Variants in MPP7 observed in about 807,000 individuals in gnomAD.
The protein encoded by MPP7 is MAGUK p55 subfamily member 7.
Under a neutral mutation model 76.5 loss-of-function variants are expected in MPP7, and 60 were observed. The observed-to-expected ratio is 0.78, with a 90% confidence interval of 0.64 to 0.97. MPP7 has a LOEUF of 0.97. MPP7 is among the 50% of genes least tolerant of loss of function. The pLI is 0.00. For synonymous variants in MPP7, 237 were observed against 244.5 expected, an observed-to-expected ratio of 0.97 and a Z score of 0.29; for missense variants, 641 against 694.0, an observed-to-expected ratio of 0.92 and a Z score of 0.86.
intron 1 of MPP7, chr10:28,330,036 C>G (rs74367935): frequency 6.6e-6 from 1 of 152,150 alleles, no homozygotes. Flanking sequence ...TGAGACAATT[C>G]GGTGAGGTGC....
chr10:28,069,532 A>C (rs556620756), intron 13 of MPP7, among the ~76,000 whole-genome samples: 1 of 151,596 alleles, frequency 6.6e-6, no homozygotes, highest in Non-Finnish European at 1.5e-5. Context: ...TGAACCCAAG[A>C]GGCAGAGGTT....
chr10:28,282,655 T>C (rs1840705864), intron 1 of MPP7, among the ~76,000 whole-genome samples: 2 of 151,958 alleles, frequency 1.3e-5, no homozygotes, highest in South Asian at 4.2e-4. Flanking sequence ...GACAGGAGCG[T>C]AAAGAAAAAC....
At chr10:28,230,900 T>C (rs1361439542) in intron 2 of MPP7, among the ~76,000 whole-genome samples, 1 of 152,102 alleles carries the variant, frequency 6.6e-6, no homozygotes, top group Non-Finnish European at 1.5e-5. Flanking sequence ...TTAAAAATAC[T>C]TCTCTTGGTA....
At chr10:28,245,324 T>C (rs995365601) in intron 1 of MPP7, among the ~76,000 whole-genome samples, 1 of 152,180 alleles carries the variant, frequency 6.6e-6, no homozygotes, top group Admixed American at 6.5e-5. Flanking sequence ...TACATCAATA[T>C]AATTCTACAT....
At chr10:28,164,721 G>T (rs918897226) in intron 3 of MPP7, among the ~76,000 whole-genome samples, 2 of 151,824 alleles carry the variant, frequency 1.3e-5, no homozygotes, top group African/African-American at 4.8e-5. Flanking sequence ...TTTTATGTGG[G>T]GCCCAAGATA....
intron 1 of MPP7, among the ~76,000 whole-genome samples, chr10:28,270,629 C>T (rs1231795023): frequency 3.7e-4 from 56 of 151,644 alleles, no homozygotes; most frequent in East Asian, 1.9e-4. Flanking sequence ...CTATCTGCAG[C>T]GCCTGTTCAA....
At chr10:28,069,344 C>T (rs1852117369) in intron 13 of MPP7, among the ~76,000 whole-genome samples, 1 of 152,158 alleles carries the variant, frequency 6.6e-6, no homozygotes, top group Non-Finnish European at 1.5e-5. Context: ...ATGGTTCACG[C>T]CTGTAATCCC....
intron 1 of MPP7, among the ~76,000 whole-genome samples, chr10:28,273,390 C>A (rs1840389689): frequency 6.6e-6 from 1 of 152,166 alleles, no homozygotes. Flanking sequence ...AGAACACAGC[C>A]TACAAAAGAT....
At chr10:28,263,207 G>A (rs1589000925) in intron 1 of MPP7, among the ~76,000 whole-genome samples, 1 of 152,190 alleles carries the variant, frequency 6.6e-6, no homozygotes, top group Non-Finnish European at 1.5e-5. Flanking sequence ...TGGTGGTAGT[G>A]TATTCAAATT....
chr10:28,079,973 T>C (rs1412430773), intron 12 of MPP7, among the ~76,000 whole-genome samples: 2 of 150,292 alleles, frequency 1.3e-5, no homozygotes, highest in East Asian at 4.0e-4. Context: ...AATTTAAAAA[T>C]TAGCCAGGTG....
At position 28,056,643 on chromosome 10, in the gene MPP7, G is replaced by C. The variant is rs1851570224; in HGVS notation, c.1408-20C>G. ...CACTGTCTACAAGGAAGAAAAGAAA[G>C]TTTTCTCACATTTCTCCATAGCATC... On this transcript the variant is annotated intron_variant, in intron 15 of 16. Transcript: ENST00000683449. The C allele has an allele frequency of 6.5e-7, 1 of 1,526,718 alleles. No homozygotes were observed. 94.6% of individuals were successfully genotyped at this position (1,526,718 alleles called of 1,614,324 possible).
intron 3 of MPP7, among the ~76,000 whole-genome samples, chr10:28,195,486 C>T (rs1387111242): frequency 6.6e-6 from 1 of 152,130 alleles, no homozygotes; most frequent in Non-Finnish European, 1.5e-5. Context: ...CAGAAACAAC[C>T]CAAATGTCCA....
upstream of MPP7, among the ~76,000 whole-genome samples, chr10:28,304,471 TAGAA>T (rs952252387): frequency 3.9e-5 from 6 of 152,180 alleles, 1 homozygote; most frequent in African/African-American, 1.2e-4. Flanking sequence ...AAACACCTGA[TAGAA>T]AGAAGACAAG....
chr10:28,223,437 T>C (rs560391151), intron 2 of MPP7, among the ~76,000 whole-genome samples: 5 of 152,340 alleles, frequency 3.3e-5, no homozygotes, highest in Non-Finnish European at 5.9e-5. Flanking sequence ...TGTTCACCTA[T>C]GCTCAAATTT....
At chr10:28,086,898 C>T (rs1853037967) in intron 12 of MPP7, among the ~76,000 whole-genome samples, 1 of 152,288 alleles carries the variant, frequency 6.6e-6, no homozygotes, top group South Asian at 2.1e-4. Context: ...GCAAACAAAA[C>T]CAGGCAGAGT....
At chr10:28,298,736 A>G (rs1395187722) in intron 1 of MPP7, among the ~76,000 whole-genome samples, 1 of 152,154 alleles carries the variant, frequency 6.6e-6, no homozygotes, top group Admixed American at 6.5e-5. Context: ...ATCTTCTTCC[A>G]ATATAAGGCT....
chr10:28,252,484 T>C (rs1373231874), intron 1 of MPP7, among the ~76,000 whole-genome samples: 1 of 152,182 alleles, frequency 6.6e-6, no homozygotes, highest in Non-Finnish European at 1.5e-5. Context: ...TAGCTTTCTG[T>C]GAAGCATTAA....
rs1188437581 is a variant in MPP7, at chr10:28,195,621, A to G, written c.156+6532T>C. 1.3e-5 allele frequency among the ~76,000 whole-genome samples: 2 copies of G among 152,244 alleles called. 1 individual carries two copies. Among genetic ancestry groups the G allele is most frequent in the Non-Finnish European group, 2.9e-5 (2 of 68,036 alleles). The stretch of plus-strand genomic sequence containing the variant: ...CCTTGAAAACATTAAGCTAAGTGAC[A>G]GAAGTCAGTTACAAAAAAGCCACAG... On this transcript the variant is annotated intron_variant, in intron 3 of 16. Transcript: ENST00000683449.
At chr10:28,182,429 G>A (rs533325784) in intron 3 of MPP7, among the ~76,000 whole-genome samples, 9 of 152,154 alleles carry the variant, frequency 5.9e-5, no homozygotes, top group African/African-American at 9.7e-5. Context: ...GATACAATCC[G>A]TTAGAAAAGT....
Sources: gnomAD v4.1 joint callset for allele counts (sites outside exome capture counted in the v4.1 genomes callset) on GRCh38, gnomAD v4.1.1 for gene constraint, MANE v1.5 for transcripts, NCBI Gene and HGNC (gene_info 2026-07-23, HGNC 2026-07-21) for gene names.